CARMIL1: variants seen among roughly 807,000 people sequenced by gnomAD.
The protein encoded by CARMIL1 is F-actin-uncapping protein LRRC16A.
In CARMIL1, 90 loss-of-function variants were observed where a neutral mutation model predicts 177.1. The ratio of observed to expected loss-of-function variants is 0.51; its 90% CI spans 0.43 to 0.61. The LOEUF (loss-of-function observed/expected upper bound fraction) is 0.61, where lower values mean the gene tolerates loss of function less well. CARMIL1 is among the 20% of genes least tolerant of loss of function. CARMIL1 has a pLI of 0.00. For synonymous variants in CARMIL1, 577 were observed against 606.2 expected (o/e 0.95, Z 0.71); for missense variants, 1,380 against 1,667.0 (o/e 0.83, Z 3.00).
intron 1 of CARMIL1, among the ~76,000 whole-genome samples, chr6:25,281,136 G>GCGCGCGCGCGCACA (rs10642536): frequency 1.5e-5 from 2 of 132,102 alleles, no homozygotes; most frequent in Non-Finnish European, 3.1e-5. Context: ...GTGCGCGCGC[G>GCGCGCGCGCGCACA]CACACACACA....
chr6:25,335,976 T>C (rs1396289656), intron 2 of CARMIL1, among the ~76,000 whole-genome samples: 1 of 152,228 alleles, frequency 6.6e-6, no homozygotes, highest in East Asian at 1.9e-4. Context: ...TACTGCTCTG[T>C]TACTGTGCTG....
At chr6:25,550,813 G>A in intron 26 of CARMIL1, 97 bp from the exon 27 acceptor site, 1 of 1,116,090 alleles carries the variant, frequency 9.0e-7, no homozygotes, top group Non-Finnish European at 1.3e-6. Context: ...CCTGTTCTCT[G>A]AGGGCTCCGT....
At chr6:25,503,832 A>G (rs560119511) in intron 17 of CARMIL1, among the ~76,000 whole-genome samples, 9 of 152,214 alleles carry the variant, frequency 5.9e-5, no homozygotes, top group African/African-American at 2.2e-4. Context: ...CTTACTCAGG[A>G]TGAGGAGCTG....
At chr6:25,598,083 T>C (rs922748317) in intron 32 of CARMIL1, among the ~76,000 whole-genome samples, 34 of 152,170 alleles carry the variant, frequency 2.2e-4, no homozygotes, top group African/African-American at 7.7e-4. Context: ...TGCCCTGAGG[T>C]GGGTTTTTTA....
chr6:25,490,551 A>G (rs1457093975), intron 13 of CARMIL1, among the ~76,000 whole-genome samples: 1 of 152,054 alleles, frequency 6.6e-6, no homozygotes, highest in Non-Finnish European at 1.5e-5. Context: ...TACAAAAATT[A>G]GCTGGGCGTG....
chr6:25,290,657 TTTC>T (rs1781878216), intron 2 of CARMIL1, among the ~76,000 whole-genome samples: 1 of 152,130 alleles, frequency 6.6e-6, no homozygotes, highest in South Asian at 2.1e-4. Context: ...CAGGACTTCT[TTTC>T]TTCTTAAACT....
Position 25,515,908 on chromosome 6 carries a change from G to A in CARMIL1, c.1805+61G>A. On this transcript the variant is annotated intron_variant, in intron 21 of 36. Coordinates refer to ENST00000329474, the MANE Select transcript of CARMIL1 (RefSeq NM_017640.6). This position sits in a 1 kb window ranked among gnomAD's most constrained non-coding sequence, Gnocchi z 5.0. Reference sequence around the variant, plus strand: ...GCTTGGAGCAGATTCCGAACAGCAAGCATTGCAGAGCTGCTGGGCCCGAGG... The same window carrying A: ...GCTTGGAGCAGATTCCGAACAGCAAACATTGCAGAGCTGCTGGGCCCGAGG... The A allele has an allele frequency of 2.0e-6, 3 of 1,490,758 alleles. No individual in the cohort carries two copies. The highest frequency in any genetic ancestry group is 2.0e-4 in the Middle Eastern group (1 of 4,954). The allele number at this position is 1,490,758 out of a possible 1,614,324, so 92.3% of individuals were successfully genotyped here.
chr6:25,490,662 C>T (rs1223363794), intron 13 of CARMIL1, among the ~76,000 whole-genome samples: 1 of 151,790 alleles, frequency 6.6e-6, no homozygotes. Context: ...CATACCACTG[C>T]ACTCCAGCTT....
intron 3 of CARMIL1, among the ~76,000 whole-genome samples, chr6:25,424,252 C>T (rs142505036): frequency 6.6e-6 from 1 of 152,226 alleles, no homozygotes; most frequent in East Asian, 1.9e-4. Flanking sequence ...CTGAATTTCC[C>T]TCTACACTCC....
chr6:25,542,433 C>G (rs566648489), intron 26 of CARMIL1, among the ~76,000 whole-genome samples: 1 of 152,164 alleles, frequency 6.6e-6, no homozygotes, highest in East Asian at 1.9e-4. Flanking sequence ...TTCTCTGACC[C>G]CTCTTTAAAC....
intron 2 of CARMIL1, among the ~76,000 whole-genome samples, chr6:25,349,143 G>A (rs758346471): frequency 6.6e-6 from 1 of 152,192 alleles, no homozygotes; most frequent in Non-Finnish European, 1.5e-5. Flanking sequence ...AGGGCGCAAG[G>A]TGGGAACCAA....
chr6:25,322,314 G>C (rs544125568), intron 2 of CARMIL1, among the ~76,000 whole-genome samples: 2 of 152,026 alleles, frequency 1.3e-5, no homozygotes, highest in South Asian at 4.2e-4. Flanking sequence ...GTAGAGACAG[G>C]GTTTCGCCAT....
At chr6:25,454,262 T>G (rs1288985449) in intron 8 of CARMIL1, among the ~76,000 whole-genome samples, 2 of 152,302 alleles carry the variant, frequency 1.3e-5, no homozygotes, top group African/African-American at 4.8e-5. Flanking sequence ...ACTTTTTTTT[T>G]GTCAAGGACC....
At position 25,619,429 on chromosome 6, in the gene CARMIL1, C is replaced by T; in HGVS notation, c.3980-18C>T. Reference sequence around the variant, plus strand: ...ATTACTTTGTCAGTAAACTGTGCGACTTCCCTTTTTATTTCAGTTTCAAGG... The same window carrying T: ...ATTACTTTGTCAGTAAACTGTGCGATTTCCCTTTTTATTTCAGTTTCAAGG... On this transcript the variant is annotated intron_variant, in intron 36 of 36. Coordinates refer to ENST00000329474, the MANE Select transcript of CARMIL1 (RefSeq NM_017640.6). 1 of 1,607,996 alleles carries T rather than the reference C, an allele frequency of 6.2e-7. No individual in the cohort carries two copies. The highest frequency in any genetic ancestry group is 8.5e-7 in the Non-Finnish European group (1 of 1,177,756).
chr6:25,322,064 G>A lies in CARMIL1; in HGVS notation c.138+37155G>A, dbSNP rs151274558. Among the ~76,000 whole-genome samples the A allele has an allele frequency of 7.2e-4, 110 of 152,204 alleles. 1 individual carries two copies. The highest frequency in any genetic ancestry group is 8.5e-4 in the Non-Finnish European group (58 of 67,998). ...CTGCCTCAGCCTCCAAAGTAGCCGC[G>A]ATATAGCACGTACCACCATGCCTGG... is the stretch of plus-strand genomic sequence containing the variant. On this transcript the variant is annotated intron_variant, in intron 2 of 36. Coordinates refer to ENST00000329474, the MANE Select transcript of CARMIL1 (RefSeq NM_017640.6).
intron 22 of CARMIL1, among the ~76,000 whole-genome samples, chr6:25,518,807 A>G (rs1461894367): frequency 1.3e-5 from 2 of 152,234 alleles, no homozygotes; most frequent in Non-Finnish European, 2.9e-5. Flanking sequence ...CAATGCTTCA[A>G]AATCACATTT....
intron 13 of CARMIL1, among the ~76,000 whole-genome samples, chr6:25,489,259 A>G (rs116166073): frequency 1.0e-3 from 154 of 152,248 alleles, no homozygotes; most frequent in African/African-American, 3.5e-3. Flanking sequence ...GAACTTTCTC[A>G]TTATTATTAT....
chr6:25,473,931 A>T (rs1385757071), intron 11 of CARMIL1, among the ~76,000 whole-genome samples: 1 of 152,178 alleles, frequency 6.6e-6, no homozygotes, highest in Admixed American at 6.5e-5. Flanking sequence ...AGGAGTCAGT[A>T]GGTTTAGAAA....
At chr6:25,418,189 C>T (rs565335953) in intron 2 of CARMIL1, among the ~76,000 whole-genome samples, 75 of 152,220 alleles carry the variant, frequency 4.9e-4, no homozygotes, top group East Asian at 2.1e-3. Context: ...CCCAGTTTCC[C>T]GGGATGCAGG....
Sources: gnomAD v4.1 joint callset for allele counts (sites outside exome capture counted in the v4.1 genomes callset) on GRCh38, gnomAD v4.1.1 for gene constraint, Gnocchi (gnomAD v3.1) non-coding constraint, MANE v1.5 for transcripts, NCBI Gene and HGNC (gene_info 2026-07-23, HGNC 2026-07-21) for gene names.